FILIP1L: variants seen among roughly 807,000 people sequenced by gnomAD.
FILIP1L encodes the protein filamin A-interacting protein 1-like.
Under a neutral mutation model 96.6 loss-of-function variants are expected in FILIP1L, and 55 were observed. The observed-to-expected ratio is 0.57, with a 90% CI of 0.46 to 0.71. FILIP1L has a LOEUF of 0.71. FILIP1L is among the 30% of genes least tolerant of loss of function. FILIP1L has a pLI of 0.00. For missense variants in FILIP1L, 1,304 were observed against 1,321.2 expected (o/e 0.99, Z 0.20); for synonymous variants, 467 against 473.9 (o/e 0.99, Z 0.19).
At chr3:99,935,000 G>A (rs1202611273) in intron 1 of FILIP1L, among the ~76,000 whole-genome samples, 2 of 152,078 alleles carry the variant, frequency 1.3e-5, no homozygotes, top group African/African-American at 2.4e-5. Context: ...CTACTGAGGA[G>A]CATGTGTCTC....
chr3:99,839,041 G>T (rs1362668805), intron 5 of FILIP1L, among the ~76,000 whole-genome samples: 3 of 151,924 alleles, frequency 2.0e-5, no homozygotes, highest in Non-Finnish European at 4.4e-5. Flanking sequence ...CCTCCTGCCT[G>T]CCCCCACACC....
chr3:100,062,093 C>CTT lies in FILIP1L; in HGVS notation c.-11+51958_-11+51959dup, dbSNP rs71907944. 2.6e-4 allele frequency among the ~76,000 whole-genome samples: 14 copies of CTT among 53,180 alleles called. 3 individuals are homozygous for CTT. The highest frequency in any genetic ancestry group is 3.1e-4 in the Non-Finnish European group (9 of 29,472). The allele number at this position is 53,180 out of a possible 152,430, so 34.9% of individuals were successfully genotyped here. ...CCACTTGTGGTTATCCTGTCTTCTT[C>CTT]TTTTTTTTTTTTTTTTTTTTTTTTT... On this transcript the variant is annotated intron_variant, in intron 1 of 5. Coordinates refer to ENST00000477258, the MANE Select transcript of FILIP1L (RefSeq NM_001387850.1).
At chr3:99,988,069 A>G (rs1023793903) in intron 1 of FILIP1L, among the ~76,000 whole-genome samples, 2 of 152,190 alleles carry the variant, frequency 1.3e-5, no homozygotes, top group Non-Finnish European at 2.9e-5. Flanking sequence ...ATTGCTTGTC[A>G]ATACATACTT....
intron 1 of FILIP1L, among the ~76,000 whole-genome samples, chr3:99,941,812 G>T (rs761996951): frequency 2.6e-5 from 4 of 152,068 alleles, no homozygotes; most frequent in Non-Finnish European, 4.4e-5. Context: ...CTATTATATT[G>T]TTTTCATATT....
intron 1 of FILIP1L, among the ~76,000 whole-genome samples, chr3:100,021,620 C>T (rs1277003000): frequency 1.3e-5 from 2 of 152,092 alleles, no homozygotes; most frequent in African/African-American, 4.8e-5. Context: ...ACTGGCCCTC[C>T]ATAGAGCACT....
intron 1 of FILIP1L, among the ~76,000 whole-genome samples, chr3:100,024,224 C>T (rs897149893): frequency 6.6e-6 from 1 of 152,164 alleles, no homozygotes; most frequent in Non-Finnish European, 1.5e-5. Flanking sequence ...CTCCCTTTCC[C>T]ATTGCAGTAG....
intron 1 of FILIP1L, among the ~76,000 whole-genome samples, chr3:100,102,861 G>A (rs187669599): frequency 1.1e-4 from 17 of 152,322 alleles, no homozygotes; most frequent in African/African-American, 3.8e-4. Context: ...GAGGTTTTCT[G>A]TTTAGGGAAT....
At chr3:99,924,681 A>G (rs1447918856) in intron 3 of FILIP1L, among the ~76,000 whole-genome samples, 2 of 151,844 alleles carry the variant, frequency 1.3e-5, no homozygotes, top group Non-Finnish European at 2.9e-5. Flanking sequence ...ACCATGCCCA[A>G]CTAATTTTTT....
chr3:99,912,587 A>G (rs1022534835), intron 4 of FILIP1L, among the ~76,000 whole-genome samples: 19 of 152,270 alleles, frequency 1.2e-4, no homozygotes, highest in African/African-American at 4.3e-4. Context: ...CATGTTGCCC[A>G]GGCTGGTCTC....
At chr3:99,928,980 G>A (rs776652248) in intron 3 of FILIP1L, among the ~76,000 whole-genome samples, 2 of 152,340 alleles carry the variant, frequency 1.3e-5, no homozygotes, top group Non-Finnish European at 2.9e-5. Flanking sequence ...TACTAAAGAC[G>A]AGAATAGCAA....
chr3:99,968,829 T>C (rs1056299929), intron 1 of FILIP1L, among the ~76,000 whole-genome samples: 4 of 152,096 alleles, frequency 2.6e-5, no homozygotes, highest in Non-Finnish European at 5.9e-5. Flanking sequence ...CAGAATGACA[T>C]TGTGTCTTGT....
At chr3:99,999,456 A>G (rs1257068365) in intron 1 of FILIP1L, among the ~76,000 whole-genome samples, 1 of 152,220 alleles carries the variant, frequency 6.6e-6, no homozygotes, top group Non-Finnish European at 1.5e-5. Context: ...ACAACTGCCT[A>G]AAATTGTTTA....
chr3:99,934,664 T>G (rs967719881), intron 1 of FILIP1L, among the ~76,000 whole-genome samples: 2 of 152,212 alleles, frequency 1.3e-5, no homozygotes, highest in African/African-American at 2.4e-5. Flanking sequence ...CCTTTTAGCT[T>G]AAGGCAGCCC....
At position 99,830,186 on chromosome 3, in the gene FILIP1L, G is replaced by T. The variant is rs1159109818; in HGVS notation, c.*228C>A. 3.9e-6 allele frequency: 1 copy of T among 256,900 alleles called. No individual in the cohort carries two copies. The highest frequency in any genetic ancestry group is 2.2e-5 in the African/African-American group (1 of 45,450). 15.9% of individuals were successfully genotyped at this position (256,900 alleles called of 1,614,324 possible). ...AGATTATATGTCGGATGAGGAAATG[G>T]GTAGATTTGGGTGTGGGTCTAGGCC... On this transcript the variant is annotated 3_prime_UTR_variant, in exon 6 of 6. Coordinates refer to ENST00000477258, the MANE Select transcript of FILIP1L (RefSeq NM_001387850.1).
chr3:100,024,840 C>G (rs749428211), intron 1 of FILIP1L, among the ~76,000 whole-genome samples: 8 of 152,116 alleles, frequency 5.3e-5, no homozygotes, highest in Non-Finnish European at 7.3e-5. Flanking sequence ...ACAAGGCTTG[C>G]CCAAGGTCAG....
At chr3:100,056,753 C>T (rs1159167685) in intron 1 of FILIP1L, among the ~76,000 whole-genome samples, 1 of 151,524 alleles carries the variant, frequency 6.6e-6, no homozygotes, top group Admixed American at 6.6e-5. Flanking sequence ...TAATCCCAGC[C>T]CTTTGGGAGG....
intron 1 of FILIP1L, among the ~76,000 whole-genome samples, chr3:100,042,716 T>G (rs911884593): frequency 2.0e-5 from 3 of 152,220 alleles, no homozygotes; most frequent in African/African-American, 7.2e-5. Flanking sequence ...TTTTCTTTTC[T>G]TTTGCCACAT....
chr3:100,113,059 A>T (rs749704488), intron 1 of FILIP1L, among the ~76,000 whole-genome samples: 4 of 152,240 alleles, frequency 2.6e-5, no homozygotes, highest in Non-Finnish European at 4.4e-5. Context: ...CACGTGGAAT[A>T]TGGTAGTGTA....
At chr3:99,905,525 T>A (rs910265807) in intron 4 of FILIP1L, among the ~76,000 whole-genome samples, 11 of 152,242 alleles carry the variant, frequency 7.2e-5, no homozygotes, top group African/African-American at 2.4e-4. Context: ...AATCATTATT[T>A]CTCCATTTTT....
Sources: gnomAD v4.1 joint callset for allele counts (sites outside exome capture counted in the v4.1 genomes callset) on GRCh38, gnomAD v4.1.1 for gene constraint, MANE v1.5 for transcripts, NCBI Gene and HGNC (gene_info 2026-07-23, HGNC 2026-07-21) for gene names.